The following SLIT3 variants were observed in gnomAD, a reference collection of about 807,000 sequenced individuals.
SLIT3 encodes the protein slit guidance ligand 3.
A neutral mutation model predicts 184.0 loss-of-function variants in SLIT3; 68 were observed. That is an observed-to-expected ratio of 0.37 (90% CI 0.30 to 0.45). SLIT3 has a LOEUF of 0.45. Ranked by LOEUF, SLIT3 falls within the 20% of genes least tolerant of loss-of-function variation. The pLI is 1.00. For synonymous variants in SLIT3, 831 were observed against 828.6 expected (o/e 1.00, Z -0.05); for missense variants, 1,707 against 2,026.0 (o/e 0.84, Z 3.02).
intron 4 of SLIT3, among the ~76,000 whole-genome samples, chr5:169,153,987 T>C (rs1383450371): frequency 6.6e-6 from 1 of 151,334 alleles, no homozygotes; most frequent in Non-Finnish European, 1.5e-5. Context: ...TTTTTTTTTT[T>C]TGTGAGACAG....
chr5:169,188,804 T>C (rs1220264690), intron 4 of SLIT3, among the ~76,000 whole-genome samples: 1 of 152,198 alleles, frequency 6.6e-6, no homozygotes, highest in Non-Finnish European at 1.5e-5. Flanking sequence ...GTTCTACCAT[T>C]GTCTATGTTA....
chr5:169,241,783 C>T (rs907110083), intron 3 of SLIT3, among the ~76,000 whole-genome samples: 4 of 152,010 alleles, frequency 2.6e-5, no homozygotes, highest in African/African-American at 9.7e-5. Flanking sequence ...AGGAAGACAC[C>T]TGTGTTATGA....
intron 4 of SLIT3, among the ~76,000 whole-genome samples, chr5:169,191,335 C>A (rs1229679002): frequency 6.6e-6 from 1 of 152,176 alleles, no homozygotes; most frequent in African/African-American, 2.4e-5. Context: ...CAAAATGAGT[C>A]AAATACCATT....
chr5:168,817,396 G>A lies in SLIT3; in HGVS notation c.697C>T (p.Arg233Ter), dbSNP rs757311008. 6.2e-6 allele frequency: 10 copies of A among 1,614,188 alleles called. No individual in the cohort carries two copies. Among genetic ancestry groups the A allele is most frequent in the South Asian group, 1.1e-5 (1 of 91,086 alleles). ...AGTGTGAACTGGCCAACTGTCCGTC[G>A]CTGTCGCAGCCAATCCGAGAGCCAG... ...LAWLSDWLRQ[R>*]RTVGQFTLCM... Residue 233 changes from arginine to a stop codon, truncating the protein, a stop_gained, in exon 8 of 36, where the codon CGA (arginine) becomes TGA (stop). Coordinates refer to ENST00000519560, the MANE Select transcript of SLIT3 (RefSeq NM_003062.4). LOFTEE classifies it high-confidence loss of function.
chr5:168,676,161 T>C (rs994717051), intron 32 of SLIT3, among the ~76,000 whole-genome samples: 1 of 132,170 alleles, frequency 7.6e-6, no homozygotes, highest in Non-Finnish European at 1.5e-5. Flanking sequence ...TTATCTACTC[T>C]CTTCCATCCA....
chr5:169,010,247 G>T (rs763443402), intron 4 of SLIT3, among the ~76,000 whole-genome samples: 1 of 152,198 alleles, frequency 6.6e-6, no homozygotes, highest in Non-Finnish European at 1.5e-5. Context: ...ACAGAGAGTT[G>T]CTAGCCCTAA....
intron 4 of SLIT3, among the ~76,000 whole-genome samples, chr5:169,052,943 G>A (rs932387832): frequency 6.6e-6 from 1 of 152,180 alleles, no homozygotes; most frequent in Non-Finnish European, 1.5e-5. Flanking sequence ...AGGTAAACAG[G>A]CTGAAAGGCA....
At chr5:168,855,510 T>C (rs369957782) in intron 5 of SLIT3, among the ~76,000 whole-genome samples, 24 of 152,342 alleles carry the variant, frequency 1.6e-4, no homozygotes, top group African/African-American at 5.1e-4. Context: ...AATTGTGGTA[T>C]GTACACATAA....
intron 4 of SLIT3, among the ~76,000 whole-genome samples, chr5:169,070,551 C>A (rs889251570): frequency 6.6e-6 from 1 of 152,086 alleles, no homozygotes; most frequent in Non-Finnish European, 1.5e-5. Context: ...CCTTTAGAAA[C>A]AAGTTTGAAC....
At chr5:169,166,117 C>T (rs892218636) in intron 4 of SLIT3, among the ~76,000 whole-genome samples, 2 of 151,902 alleles carry the variant, frequency 1.3e-5, no homozygotes, top group Non-Finnish European at 2.9e-5. Context: ...GCACTACATT[C>T]TTTCACCTTT....
intron 4 of SLIT3, among the ~76,000 whole-genome samples, chr5:169,077,694 G>C (rs762499153): frequency 2.0e-5 from 3 of 152,066 alleles, no homozygotes; most frequent in Admixed American, 6.5e-5. Flanking sequence ...TTGACTGTGT[G>C]GGGGGTCACC....
At chr5:169,176,024 C>CTT (rs1223469907) in intron 4 of SLIT3, among the ~76,000 whole-genome samples, 1 of 152,216 alleles carries the variant, frequency 6.6e-6, no homozygotes, top group Admixed American at 6.5e-5. Context: ...TTCTCTTTGG[C>CTT]TTTTCTGTTG....
At chr5:168,768,436 C>T (rs1391978001) in intron 14 of SLIT3, among the ~76,000 whole-genome samples, 2 of 151,800 alleles carry the variant, frequency 1.3e-5, no homozygotes. Context: ...CAGGGAGACA[C>T]AGTAGGAAGG....
chr5:168,812,482 CA>C (rs1255230095), intron 8 of SLIT3, among the ~76,000 whole-genome samples: 1 of 152,044 alleles, frequency 6.6e-6, no homozygotes, highest in Non-Finnish European at 1.5e-5. Context: ...TATTGTGTGT[CA>C]ATTCAAAACA....
chr5:169,201,526 G>T (rs1441072179), intron 3 of SLIT3, among the ~76,000 whole-genome samples: 2 of 152,108 alleles, frequency 1.3e-5, no homozygotes, highest in Admixed American at 1.3e-4. Context: ...CAGTATAATT[G>T]TCCCTAGATG....
intron 4 of SLIT3, among the ~76,000 whole-genome samples, chr5:168,995,988 C>T (rs1171988591): frequency 1.3e-5 from 2 of 152,232 alleles, no homozygotes; most frequent in African/African-American, 4.8e-5. Flanking sequence ...ATCACCCTCC[C>T]ACCCCAGGAC....
intron 4 of SLIT3, among the ~76,000 whole-genome samples, chr5:169,076,496 T>A (rs1052676914): frequency 6.6e-6 from 1 of 152,202 alleles, no homozygotes; most frequent in Non-Finnish European, 1.5e-5. Flanking sequence ...TCTCTCTCCT[T>A]TCCCCCTTCT....
intron 6 of SLIT3, among the ~76,000 whole-genome samples, chr5:168,831,213 C>T (rs558419422): frequency 1.3e-5 from 2 of 151,758 alleles, no homozygotes; most frequent in East Asian, 3.9e-4. Flanking sequence ...ACAGATCTGC[C>T]TGCTCCTTAA....
intron 5 of SLIT3, among the ~76,000 whole-genome samples, chr5:168,845,029 G>T (rs1427187231): frequency 6.6e-6 from 1 of 151,172 alleles, no homozygotes; most frequent in Non-Finnish European, 1.5e-5. Context: ...ATCATTGGAG[G>T]TCACTGCTCT....
Sources: gnomAD v4.1 joint callset for allele counts (sites outside exome capture counted in the v4.1 genomes callset) on GRCh38, gnomAD v4.1.1 for gene constraint, MANE v1.5 for transcripts, NCBI Gene and HGNC (gene_info 2026-07-23, HGNC 2026-07-21) for gene names.